The following ANKS1A variants were observed in gnomAD, a reference collection of about 807,000 sequenced individuals.
The protein encoded by ANKS1A is ankyrin repeat and SAM domain-containing protein 1A.
Under a neutral mutation model 120.3 loss-of-function variants are expected in ANKS1A, and 55 were observed. That is an observed-to-expected ratio of 0.46 (90% CI 0.37 to 0.57). ANKS1A has a LOEUF of 0.57. Among genes scored for constraint, ANKS1A ranks in the 20% least tolerant of loss-of-function variants. ANKS1A has a pLI of 0.00. For synonymous variants in ANKS1A, 590 were observed against 604.7 expected (o/e 0.98, Z 0.36); for missense variants, 1,123 against 1,480.3 (o/e 0.76, Z 3.96).
At chr6:34,937,034 TATAC>T (rs1215835776) in intron 1 of ANKS1A, among the ~76,000 whole-genome samples, 1 of 152,182 alleles carries the variant, frequency 6.6e-6, no homozygotes, top group Non-Finnish European at 1.5e-5. Context: ...TATACATTCC[TATAC>T]ATACATACAT....
intron 8 of ANKS1A, 80 bp from the exon 9 acceptor site, chr6:34,989,144 A>T: frequency 1.5e-6 from 2 of 1,327,716 alleles, no homozygotes; most frequent in African/African-American, 1.5e-5. Context: ...TTCATTTCTA[A>T]GGGCTAAGAT....
intron 3 of ANKS1A, among the ~76,000 whole-genome samples, chr6:34,972,411 G>C (rs927253154): frequency 6.6e-6 from 1 of 152,046 alleles, no homozygotes; most frequent in African/African-American, 2.4e-5. Flanking sequence ...AGATTAAAGG[G>C]GGGTAAGAGT....
At chr6:35,041,817 C>T (rs1331736487) in intron 11 of ANKS1A, among the ~76,000 whole-genome samples, 1 of 152,214 alleles carries the variant, frequency 6.6e-6, no homozygotes, top group East Asian at 1.9e-4. Context: ...TCCCATTTTC[C>T]TGCCAGCCAG....
chr6:34,904,174 G>A (rs527744406), intron 1 of ANKS1A, among the ~76,000 whole-genome samples: 2 of 152,176 alleles, frequency 1.3e-5, no homozygotes, highest in South Asian at 4.1e-4. Context: ...TCATTCTCTC[G>A]TATGCTTTAA....
At chr6:34,901,519 T>C (rs1218251475) in intron 1 of ANKS1A, among the ~76,000 whole-genome samples, 2 of 152,112 alleles carry the variant, frequency 1.3e-5, no homozygotes, top group Admixed American at 1.3e-4. Context: ...TTTTTTGTTG[T>C]TTCTTTTCTG....
chr6:35,056,438 G>A (rs190675231), intron 12 of ANKS1A, among the ~76,000 whole-genome samples: 29 of 152,228 alleles, frequency 1.9e-4, no homozygotes, highest in African/African-American at 6.0e-4. Flanking sequence ...ACAGGCGCCC[G>A]CCACCACGCC....
chr6:34,964,002 A>T (rs1476235702), intron 1 of ANKS1A, among the ~76,000 whole-genome samples: 2 of 152,072 alleles, frequency 1.3e-5, no homozygotes, highest in African/African-American at 2.4e-5. Flanking sequence ...TGAGTTCTTT[A>T]TATATTTTGG....
downstream of ANKS1A, among the ~76,000 whole-genome samples, chr6:35,095,590 AAGAG>A (rs1397966913): frequency 2.8e-4 from 30 of 106,218 alleles, no homozygotes; most frequent in Admixed American, 8.8e-4. Flanking sequence ...AGACGAAAGA[AAGAG>A]AGAAAGAAAG....
At chr6:35,073,323 G>A (rs1177149495) in intron 13 of ANKS1A, among the ~76,000 whole-genome samples, 1 of 152,202 alleles carries the variant, frequency 6.6e-6, no homozygotes, top group Non-Finnish European at 1.5e-5. Flanking sequence ...GCAGGCCATG[G>A]CCATGATCAC....
intron 11 of ANKS1A, among the ~76,000 whole-genome samples, chr6:35,046,167 A>G (rs916388536): frequency 1.3e-5 from 2 of 152,154 alleles, no homozygotes; most frequent in African/African-American, 4.8e-5. Flanking sequence ...CCAGTTTCCC[A>G]GGGTGTACTC....
intron 1 of ANKS1A, among the ~76,000 whole-genome samples, chr6:34,966,143 A>G (rs1770883382): frequency 6.6e-6 from 1 of 152,218 alleles, no homozygotes; most frequent in African/African-American, 2.4e-5. Context: ...TAGCACAAAA[A>G]GCAAGAACTT....
At chr6:34,987,580 T>C (rs1772277673) in intron 8 of ANKS1A, among the ~76,000 whole-genome samples, 1 of 152,202 alleles carries the variant, frequency 6.6e-6, no homozygotes, top group African/African-American at 2.4e-5. Context: ...CTGATATAAA[T>C]AGCTTTGTTT....
chr6:34,965,055 G>GT (rs1312253698), intron 1 of ANKS1A, among the ~76,000 whole-genome samples: 2 of 152,064 alleles, frequency 1.3e-5, no homozygotes, highest in Non-Finnish European at 2.9e-5. Flanking sequence ...GTGTGAATCT[G>GT]TTTATCTGTC....
At chr6:34,912,541 G>C (rs78567653) in intron 1 of ANKS1A, among the ~76,000 whole-genome samples, 1 of 152,126 alleles carries the variant, frequency 6.6e-6, no homozygotes, top group Non-Finnish European at 1.5e-5. Flanking sequence ...TGAGAGAGAG[G>C]CCCCTTCACC....
chr6:35,018,201 G>C, intron 11 of ANKS1A, 142 bp downstream of exon 11: 1 of 829,568 alleles, frequency 1.2e-6, no homozygotes, highest in East Asian at 2.6e-5. Flanking sequence ...ATGTATTTCT[G>C]ACAATCGTAA....
intron 1 of ANKS1A, among the ~76,000 whole-genome samples, chr6:34,921,059 G>A (rs562700344): frequency 6.6e-6 from 1 of 152,302 alleles, no homozygotes; most frequent in African/African-American, 2.4e-5. Flanking sequence ...AAGGATTATG[G>A]ACAAACACAA....
At chr6:35,018,086 G>T in intron 11 of ANKS1A, 27 bp downstream of exon 11, 1 of 1,601,314 alleles carries the variant, frequency 6.2e-7, no homozygotes, top group South Asian at 1.1e-5. Context: ...GTCACAGGGA[G>T]CTGGGCTGGC....
At position 35,057,665 on chromosome 6, in the gene ANKS1A, C is replaced by G. The variant is rs989896577; in HGVS notation, c.2078-2482C>G. 6.6e-6 allele frequency among the ~76,000 whole-genome samples: 1 copy of G among 152,214 alleles called. No homozygotes were observed. The highest frequency in any genetic ancestry group is 1.5e-5 in the Non-Finnish European group (1 of 68,030). Reference sequence around the variant, plus strand: ...CTGTCCTCCCCCAGAGTGTGAGTGGCCTGCTCTGGGGTGGGGCACTTCCCC... The same window carrying G: ...CTGTCCTCCCCCAGAGTGTGAGTGGGCTGCTCTGGGGTGGGGCACTTCCCC... On this transcript the variant is annotated intron_variant, in intron 12 of 23. Transcript: ENST00000360359. This position sits in a 1 kb window ranked among gnomAD's most constrained non-coding sequence, Gnocchi z 4.1.
chr6:35,016,506 G>T (rs1774012125), intron 10 of ANKS1A, among the ~76,000 whole-genome samples: 1 of 152,196 alleles, frequency 6.6e-6, no homozygotes, highest in Non-Finnish European at 1.5e-5. Context: ...GTGTGCCAGT[G>T]TAGTGCTGAT....
Sources: gnomAD v4.1 joint callset for allele counts (sites outside exome capture counted in the v4.1 genomes callset) on GRCh38, gnomAD v4.1.1 for gene constraint, Gnocchi (gnomAD v3.1) non-coding constraint, MANE v1.5 for transcripts, NCBI Gene and HGNC (gene_info 2026-07-23, HGNC 2026-07-21) for gene names.